The following KLHDC4 variants were observed in gnomAD, a reference collection of about 807,000 sequenced individuals.
KLHDC4 encodes kelch domain-containing protein 4.
In KLHDC4, 90 loss-of-function variants were observed where a neutral mutation model predicts 62.4. That is an observed-to-expected ratio of 1.44 (90% confidence interval 1.22 to 1.72). The LOEUF is 1.72. Ranked by LOEUF, KLHDC4 falls within the 40% of genes most tolerant of loss-of-function variation. KLHDC4 has a pLI of 0.00. For synonymous variants in KLHDC4, 386 were observed against 284.4 expected, an observed-to-expected ratio of 1.36 and a Z score of -3.59; for missense variants, 1,025 against 699.7, an observed-to-expected ratio of 1.47 and a Z score of -5.25.
chr16:87,763,374 A>G (rs2046161291), intron 1 of KLHDC4: 1 of 152,330 alleles, frequency 6.6e-6, no homozygotes, highest in Admixed American at 6.5e-5. Context: ...AGGCCGAGGC[A>G]GGTGGATAAT....
chr16:87,713,201 A>T (rs1567667485), intron 8 of KLHDC4, among the ~76,000 whole-genome samples: 2 of 149,682 alleles, frequency 1.3e-5, no homozygotes, highest in Admixed American at 6.6e-5. Context: ...CTGGCTACAT[A>T]TTTTTTTTGT....
At chr16:87,753,772 G>C (rs1301540618) in intron 4 of KLHDC4, among the ~76,000 whole-genome samples, 3 of 149,734 alleles carry the variant, frequency 2.0e-5, no homozygotes, top group Non-Finnish European at 4.4e-5. Context: ...CTGCACTCCA[G>C]CCTGGGCAAC....
rs145409284 is a variant in KLHDC4, at chr16:87,725,827, G to C, written c.759+938C>G. Among the ~76,000 whole-genome samples, 320 of 152,268 alleles carry C rather than the reference G, an allele frequency of 2.1e-3. 1 individual carries two copies. Among genetic ancestry groups the C allele is most frequent in the African/African-American group, 7.4e-3 (307 of 41,550 alleles). On this transcript the variant is annotated intron_variant, in intron 7 of 11. Transcript: ENST00000270583. ...GAGCAGGAGGCTCCGGGGTGGGCGCGAGAACATTCCTGTCAGCACTGTTCT... is the reference window on the plus strand; with the variant it reads ...GAGCAGGAGGCTCCGGGGTGGGCGCCAGAACATTCCTGTCAGCACTGTTCT...
intron 5 of KLHDC4, chr16:87,731,046 CTT>C (rs774096264): frequency 3.6e-3 from 256 of 72,022 alleles, no homozygotes; most frequent in African/African-American, 6.0e-3. Context: ...ATACAGAATT[CTT>C]TTTTTTTTTT....
chr16:87,711,991 C>A (rs1321045435), intron 8 of KLHDC4, among the ~76,000 whole-genome samples: 1 of 143,480 alleles, frequency 7.0e-6, no homozygotes, highest in East Asian at 2.1e-4. Context: ...GGCTGAATGC[C>A]TGTGCCAGCC....
intron 7 of KLHDC4, among the ~76,000 whole-genome samples, chr16:87,715,931 C>A (rs929689615): frequency 6.6e-6 from 1 of 152,208 alleles, no homozygotes; most frequent in African/African-American, 2.4e-5. Context: ...CGCTCAGTGC[C>A]TCGTGGATAT....
chr16:87,704,242 G>C (rs967700908), downstream of KLHDC4, among the ~76,000 whole-genome samples: 26 of 151,560 alleles, frequency 1.7e-4, no homozygotes, highest in Non-Finnish European at 3.4e-4. Context: ...CGCCTGTGGA[G>C]AGCCCTGGGG....
rs561496814 is a variant in KLHDC4 at position 87,744,242 on chromosome 16, C to G, written c.506+4431G>C. On this transcript the variant is annotated intron_variant, in intron 5 of 11. Transcript: ENST00000270583. ...ACCAGCCTGACCAACGTGAAGAAAC[C>G]CCATCTCTACTAAAAGTACAAAATT... 3.9e-5 allele frequency among the ~76,000 whole-genome samples: 6 copies of G among 152,144 alleles called. No individual in the cohort carries two copies. In the East Asian group the frequency reaches 1.2e-3, roughly 29 times the overall value.
At chr16:87,743,443 A>T (rs1024219677) in intron 5 of KLHDC4, among the ~76,000 whole-genome samples, 4 of 151,884 alleles carry the variant, frequency 2.6e-5, no homozygotes, top group African/African-American at 9.7e-5. Flanking sequence ...ACTGAATATT[A>T]AAAAAAATAA....
Position 87,708,482 on chromosome 16 carries a change from G to T in KLHDC4, c.1448-16C>A. 1.3e-6 allele frequency: 2 copies of T among 1,589,800 alleles called. No homozygotes were observed. The highest frequency in any genetic ancestry group is 1.1e-5 in the South Asian group (1 of 89,668). Reference sequence around the variant, plus strand: ...TCCTGAGTTTCTTCAAAAGCAGAATGAACGCACATACACGTCAGCGCAGCT... The same window carrying T: ...TCCTGAGTTTCTTCAAAAGCAGAATTAACGCACATACACGTCAGCGCAGCT... On this transcript the variant is annotated splice_polypyrimidine_tract_variant and intron_variant, in intron 10 of 11. Transcript: ENST00000270583.
intron 5 of KLHDC4, among the ~76,000 whole-genome samples, chr16:87,736,105 G>C (rs910653287): frequency 6.6e-6 from 1 of 152,144 alleles, no homozygotes; most frequent in Non-Finnish European, 1.5e-5. Context: ...ATCATTAGGC[G>C]ACCTTGTCAT....
chr16:87,762,454 G>A (rs2046028117), intron 1 of KLHDC4, among the ~76,000 whole-genome samples: 1 of 152,162 alleles, frequency 6.6e-6, no homozygotes, highest in Non-Finnish European at 1.5e-5. Context: ...TGACTTCACT[G>A]CAGACACCCT....
intron 5 of KLHDC4, among the ~76,000 whole-genome samples, chr16:87,745,865 C>A (rs527689328): frequency 6.6e-6 from 1 of 152,178 alleles, no homozygotes; most frequent in Non-Finnish European, 1.5e-5. Context: ...CTGTGCGTCT[C>A]GTCAGGGTCT....
intron 7 of KLHDC4, among the ~76,000 whole-genome samples, chr16:87,719,973 G>A (rs1481184586): frequency 2.0e-5 from 3 of 152,194 alleles, no homozygotes; most frequent in African/African-American, 4.8e-5. Context: ...AGGCCACCTA[G>A]CTTAGCCTGC....
At chr16:87,711,492 T>C (rs768300794) in intron 8 of KLHDC4, 49 bp from the exon 9 acceptor site, 15 of 1,523,488 alleles carry the variant, frequency 9.8e-6, no homozygotes, top group Admixed American at 9.3e-5. Flanking sequence ...GGAAGGACCC[T>C]GAGAGCCAGC....
At chr16:87,743,656 C>T (rs1170685268) in intron 5 of KLHDC4, among the ~76,000 whole-genome samples, 2 of 151,782 alleles carry the variant, frequency 1.3e-5, no homozygotes, top group South Asian at 2.1e-4. Flanking sequence ...AAGATAATGG[C>T]GTGAACCCAG....
At chr16:87,753,373 T>C (rs1371332746) in intron 4 of KLHDC4, among the ~76,000 whole-genome samples, 4 of 152,168 alleles carry the variant, frequency 2.6e-5, no homozygotes, top group African/African-American at 7.2e-5. Context: ...ACACAGGTCA[T>C]TCACTAGAGA....
At chr16:87,739,486 C>T (rs956707922) in intron 5 of KLHDC4, among the ~76,000 whole-genome samples, 20 of 131,324 alleles carry the variant, frequency 1.5e-4, no homozygotes, top group African/African-American at 5.2e-4. Context: ...CACACCAGCA[C>T]GTCATCCATC....
chr16:87,741,277 C>A (rs1427935490), intron 5 of KLHDC4, among the ~76,000 whole-genome samples: 1 of 152,242 alleles, frequency 6.6e-6, no homozygotes, highest in Non-Finnish European at 1.5e-5. Flanking sequence ...CAGCGCTGGC[C>A]TGGACAGAGG....
Sources: allele counts gnomAD v4.1 joint callset (sites outside exome capture counted in the v4.1 genomes callset), GRCh38; gene constraint gnomAD v4.1.1; transcripts MANE v1.5; gene names NCBI Gene and HGNC (gene_info 2026-07-23, HGNC 2026-07-21).